The following SPPL3 variants were observed in gnomAD, a reference collection of about 807,000 sequenced individuals.
The protein encoded by SPPL3 is signal peptide peptidase-like 3.
Under a neutral mutation model 42.4 loss-of-function variants are expected in SPPL3, and 5 were observed. The ratio of observed to expected loss-of-function variants is 0.12; its 90% CI spans 0.06 to 0.25. SPPL3 has a LOEUF of 0.25. Among genes scored for constraint, SPPL3 ranks in the 10% least tolerant of loss-of-function variants. SPPL3 has a pLI of 1.00. For synonymous variants in SPPL3, 195 were observed against 181.8 expected, an observed-to-expected ratio of 1.07 and a Z score of -0.58; for missense variants, 235 against 489.0, an observed-to-expected ratio of 0.48 and a Z score of 4.90.
chr12:120,845,174 T>C, intron 1 of SPPL3: 1 of 462,580 alleles, frequency 2.2e-6, no homozygotes, highest in South Asian at 1.7e-5. Context: ...TCGCCACTGG[T>C]GGCACAGGTG....
Position 120,783,767 on chromosome 12 carries a change from G to A in SPPL3, c.311-15C>T, listed in dbSNP as rs771926237. The A allele has an allele frequency of 1.2e-5, 19 of 1,610,096 alleles. No homozygotes were observed. Among genetic ancestry groups the A allele is most frequent in the Non-Finnish European group, 1.5e-5 (18 of 1,177,834 alleles). The stretch of plus-strand genomic sequence containing the variant: ...CGTTGCAAGAACTAGAGAAAGAAAA[G>A]GTATAATTTTTTAAAACAATTATAA... On this transcript the variant is annotated splice_polypyrimidine_tract_variant and intron_variant, in intron 4 of 10. Coordinates refer to ENST00000353487, the MANE Select transcript of SPPL3 (RefSeq NM_139015.5).
chr12:120,794,282 T>A (rs1214328987), intron 2 of SPPL3, among the ~76,000 whole-genome samples: 4 of 151,344 alleles, frequency 2.6e-5, no homozygotes, highest in South Asian at 4.2e-4. Flanking sequence ...ATTTTTTTTT[T>A]AATCCTAACC....
At position 120,879,815 on chromosome 12, in the gene SPPL3, TTATA is replaced by T. The variant is rs141803971; in HGVS notation, c.23+24026_23+24029del. 3.4e-3 allele frequency among the ~76,000 whole-genome samples: 515 copies of T among 152,110 alleles called. 5 individuals carry two copies. Among genetic ancestry groups the T allele is most frequent in the African/African-American group, 0.012 (498 of 41,424 alleles). Reference sequence around the variant, plus strand: ...CAGGGGACTGATTTAAAGGTAAAAGTTATATATATACACATGCAGTCAAATGTGG... The same window carrying T: ...CAGGGGACTGATTTAAAGGTAAAAGTTATATACACATGCAGTCAAATGTGG... On this transcript the variant is annotated intron_variant, in intron 1 of 10. Transcript: ENST00000353487.
rs959935333 is a variant in SPPL3 at position 120,896,641 on chromosome 12, T to C, written c.23+7204A>G. 4.1e-4 allele frequency among the ~76,000 whole-genome samples: 62 copies of C among 152,084 alleles called. 1 individual carries two copies. The highest frequency in any genetic ancestry group is 1.5e-3 in the African/African-American group (61 of 41,378). On this transcript the variant is annotated intron_variant, in intron 1 of 10. Transcript: ENST00000353487. The stretch of plus-strand genomic sequence containing the variant: ...ATACAGAAAACAAATTAGCCGGGCA[T>C]GGTGGTGTGCACCTGTAATCCCAGA...
rs370915843 is a variant in SPPL3 at position 120,810,919 on chromosome 12, C to T, written c.24-33G>A. 2.9e-4 allele frequency: 445 copies of T among 1,512,266 alleles called. 2 individuals are homozygous for T. The African/African-American group carries it at 5.0e-3, about 17-fold the overall frequency. 93.7% of individuals were successfully genotyped at this position (1,512,266 alleles called of 1,614,324 possible). A position where few individuals can be genotyped will look rare whatever the true frequency, so the allele number is the denominator to read the frequency against. ...AATAAGAGGAAAAAAATTTAAATCA[C>T]ATGCAGTGAGTCCTAATGGAGCTTA... On this transcript the variant is annotated intron_variant, in intron 1 of 10. Coordinates refer to ENST00000353487, the MANE Select transcript of SPPL3 (RefSeq NM_139015.5).
At chr12:120,863,446 A>C (rs1872671021) in intron 1 of SPPL3, among the ~76,000 whole-genome samples, 1 of 152,196 alleles carries the variant, frequency 6.6e-6, no homozygotes, top group Admixed American at 6.5e-5. Context: ...AAATATCTTT[A>C]ATGTCTGGCT....
At chr12:120,875,832 C>T (rs150995276) in intron 1 of SPPL3, among the ~76,000 whole-genome samples, 95 of 151,972 alleles carry the variant, frequency 6.3e-4, no homozygotes, top group African/African-American at 2.0e-3. Flanking sequence ...AAGTAAGATC[C>T]GGCCACATGC....
intron 1 of SPPL3, among the ~76,000 whole-genome samples, chr12:120,829,927 G>A (rs1047801121): frequency 2.0e-5 from 3 of 150,906 alleles, no homozygotes; most frequent in Non-Finnish European, 2.9e-5. Flanking sequence ...GCGCGAGATA[G>A]AGGTCGCAGT....
At chr12:120,901,309 G>A (rs1173999355) in intron 1 of SPPL3, among the ~76,000 whole-genome samples, 1 of 151,978 alleles carries the variant, frequency 6.6e-6, no homozygotes, top group Non-Finnish European at 1.5e-5. Flanking sequence ...ATAGGAAGCT[G>A]TGGCCGGGCA....
At chr12:120,801,154 T>C (rs1860950996) in intron 2 of SPPL3, among the ~76,000 whole-genome samples, 1 of 152,040 alleles carries the variant, frequency 6.6e-6, no homozygotes, top group Admixed American at 6.5e-5. Context: ...GGCCCTACCT[T>C]GTCCAGACAC....
At chr12:120,822,908 G>C (rs987232910) in intron 1 of SPPL3, among the ~76,000 whole-genome samples, 1 of 151,914 alleles carries the variant, frequency 6.6e-6, no homozygotes, top group Non-Finnish European at 1.5e-5. Context: ...ACATGCATGA[G>C]GACTCTGCTA....
In SPPL3 at chr12:120,809,377, G is replaced by A. The variant is rs188255097; in HGVS notation, c.101+1432C>T. 4.4e-4 allele frequency among the ~76,000 whole-genome samples: 67 copies of A among 151,510 alleles called. No homozygotes were observed. The East Asian group carries it at 8.9e-3, about 20-fold the overall frequency. ...AAAACACCAAAAAAAACCTTTTATC[G>A]GTGTATACTGAAATTACCCGTAATA... On this transcript the variant is annotated intron_variant, in intron 2 of 10. Coordinates refer to ENST00000353487, the MANE Select transcript of SPPL3 (RefSeq NM_139015.5).
intron 1 of SPPL3, among the ~76,000 whole-genome samples, chr12:120,814,890 C>G (rs965403649): frequency 1.3e-5 from 2 of 152,128 alleles, no homozygotes; most frequent in East Asian, 1.9e-4. Context: ...GCCTAGAAAT[C>G]TTTCTGTATC....
chr12:120,824,738 A>G (rs938345738), intron 1 of SPPL3, among the ~76,000 whole-genome samples: 3 of 152,244 alleles, frequency 2.0e-5, no homozygotes, highest in South Asian at 2.1e-4. Context: ...GGGTTTTGCC[A>G]TATTACCCAA....
chr12:120,901,794 T>C (rs1461370670), intron 1 of SPPL3: 2 of 655,170 alleles, frequency 3.1e-6, no homozygotes, highest in Admixed American at 6.3e-5. Context: ...TAGAATAAAT[T>C]TGTAAATTGT....
chr12:120,865,748 C>T (rs1593002597), intron 1 of SPPL3, among the ~76,000 whole-genome samples: 2 of 152,196 alleles, frequency 1.3e-5, no homozygotes, highest in Non-Finnish European at 2.9e-5. Context: ...GAAGAATCAC[C>T]TAAGGCAGGG....
At chr12:120,781,555 GTTTTTTTTTTTTTTTTTTTTTTT>G (rs527339173) in intron 6 of SPPL3, among the ~76,000 whole-genome samples, 3 of 63,010 alleles carry the variant, frequency 4.8e-5, no homozygotes, top group Middle Eastern at 0.011. Context: ...TTATTGTTAC[GTTTTTTTTTTTTTTTTTTTTTTT>G]TTTTTTTTTT....
At chr12:120,835,448 T>A (rs2137021339) in intron 1 of SPPL3, 1 of 152,354 alleles carries the variant, frequency 6.6e-6, no homozygotes, top group East Asian at 1.9e-4. Context: ...CAGTTATAGA[T>A]GATCAAGAAT....
At position 120,807,654 on chromosome 12, in the gene SPPL3, A is replaced by G. The variant is rs939017394; in HGVS notation, c.101+3155T>C. Among the ~76,000 whole-genome samples the G allele has an allele frequency of 2.7e-5, 4 of 149,810 alleles. No individual in the cohort carries two copies. The Admixed American group carries it at 2.7e-4, about 10-fold the overall frequency. ...GCGCCACTGCACTCCAGCCTGGGCA[A>G]CAAGAGCGAAACTCCGACTCAAAAA... is the stretch of plus-strand genomic sequence containing the variant. On this transcript the variant is annotated intron_variant, in intron 2 of 10. Coordinates refer to ENST00000353487, the MANE Select transcript of SPPL3 (RefSeq NM_139015.5).
Sources: gnomAD v4.1 joint callset for allele counts (sites outside exome capture counted in the v4.1 genomes callset) on GRCh38, gnomAD v4.1.1 for gene constraint, MANE v1.5 for transcripts, NCBI Gene and HGNC (gene_info 2026-07-23, HGNC 2026-07-21) for gene names.